NUDT7: variants seen among roughly 807,000 people sequenced by gnomAD.
NUDT7 encodes the protein nudix hydrolase 7.
Under a neutral mutation model 13.1 loss-of-function variants are expected in NUDT7, and 19 were observed. That is an observed-to-expected ratio of 1.45 (90% CI 1.01 to 2.13). The LOEUF is 2.13. Among genes scored for constraint, NUDT7 ranks in the 30% most tolerant of loss-of-function variants. The probability of loss-of-function intolerance (pLI) is 0.00; values close to 1 mark genes in which losing one functional copy is unlikely to be tolerated. For missense variants in NUDT7, 360 were observed against 291.7 expected, an observed-to-expected ratio of 1.23 and a Z score of -1.71; for synonymous variants, 132 against 109.7, an observed-to-expected ratio of 1.20 and a Z score of -1.27.
At chr16:77,735,634 G>T (rs1475203678) in intron 2 of NUDT7, 194 bp from the exon 3 acceptor site, 3 of 622,950 alleles carry the variant, frequency 4.8e-6, no homozygotes, top group East Asian at 2.6e-5. Context: ...AGTTAGCAGT[G>T]AGAAAAATTT....
At chr16:77,733,154 G>C (rs1036918290) in intron 2 of NUDT7, among the ~76,000 whole-genome samples, 1 of 152,192 alleles carries the variant, frequency 6.6e-6, no homozygotes, top group Non-Finnish European at 1.5e-5. Context: ...AAATGAGGCT[G>C]AAGCCTATAA....
chr16:77,739,584 T>A (rs2014594609), intron 3 of NUDT7, among the ~76,000 whole-genome samples: 1 of 152,176 alleles, frequency 6.6e-6, no homozygotes. Flanking sequence ...TGTAAGGTCT[T>A]TATGACTTGT....
chr16:77,735,965 C>A lies in NUDT7; in HGVS notation c.327C>A (p.Cys109Ter). 1 of 1,614,106 alleles carries A rather than the reference C, an allele frequency of 6.2e-7. No individual in the cohort carries two copies. The highest frequency in any genetic ancestry group is 8.5e-7 in the Non-Finnish European group (1 of 1,179,992). ...LRPHQVEVVC[C>*]LVPCLIDTDT... Reference sequence around the variant, plus strand: ...CTCACCAAGTGGAAGTTGTCTGCTGCCTGGTGCCATGTCTTATTGATGTAA... The same window carrying A: ...CTCACCAAGTGGAAGTTGTCTGCTGACTGGTGCCATGTCTTATTGATGTAA... Residue 109 changes from cysteine to a stop codon, truncating the protein, a stop_gained, in exon 3 of 4, where the codon TGC (cysteine) becomes TGA (stop). Coordinates refer to ENST00000268533, the MANE Select transcript of NUDT7 (RefSeq NM_001105663.3). LOFTEE classifies it low-confidence loss of function (END_TRUNC).
chr16:77,732,823 GTCTGTT>G (rs2014360792), intron 2 of NUDT7, among the ~76,000 whole-genome samples: 1 of 149,250 alleles, frequency 6.7e-6, no homozygotes, highest in Non-Finnish European at 1.5e-5. Flanking sequence ...ATCATATCAG[GTCTGTT>G]TCTGTCAAGC....
intron 2 of NUDT7, among the ~76,000 whole-genome samples, chr16:77,727,459 C>T (rs903095494): frequency 2.6e-5 from 4 of 152,170 alleles, no homozygotes; most frequent in African/African-American, 9.7e-5. Flanking sequence ...TGATAGAAAT[C>T]CAGGTTCCAG....
intron 2 of NUDT7, among the ~76,000 whole-genome samples, chr16:77,734,189 T>G (rs2014405340): frequency 6.6e-6 from 1 of 152,198 alleles, no homozygotes; most frequent in South Asian, 2.1e-4. Context: ...TTTTGATAAA[T>G]GTGTGTTGTA....
chr16:77,728,296 G>T (rs1341670029), intron 2 of NUDT7, among the ~76,000 whole-genome samples: 3 of 152,172 alleles, frequency 2.0e-5, no homozygotes, highest in Non-Finnish European at 4.4e-5. Flanking sequence ...GCAGTGGCGT[G>T]ATCTCAGCTC....
chr16:77,741,518 A>T, intron 3 of NUDT7, 64 bp from the exon 4 acceptor site: 1 of 1,490,184 alleles, frequency 6.7e-7, no homozygotes, highest in Non-Finnish European at 8.9e-7. Flanking sequence ...AAGTGGCATG[A>T]TTTTAGGATT....
intron 2 of NUDT7, among the ~76,000 whole-genome samples, chr16:77,734,225 T>G (rs2014406672): frequency 6.6e-6 from 1 of 152,178 alleles, no homozygotes. Context: ...GGCTCGTAAA[T>G]TAAACACTGG....
intron 3 of NUDT7, among the ~76,000 whole-genome samples, chr16:77,738,653 C>T (rs943690670): frequency 1.3e-5 from 2 of 152,104 alleles, no homozygotes; most frequent in Non-Finnish European, 2.9e-5. Flanking sequence ...CAGCTCACTG[C>T]AACCTCCACC....
chr16:77,731,572 C>T (rs1216838081), intron 2 of NUDT7, among the ~76,000 whole-genome samples: 1 of 152,162 alleles, frequency 6.6e-6, no homozygotes, highest in Non-Finnish European at 1.5e-5. Flanking sequence ...AATGACATTT[C>T]TGGTTTATGA....
intron 2 of NUDT7, among the ~76,000 whole-genome samples, chr16:77,727,884 T>TAA (rs66497512): frequency 8.2e-6 from 1 of 122,388 alleles, no homozygotes; most frequent in African/African-American, 3.7e-5. Context: ...TAAAAATAAA[T>TAA]AAATAAATAA....
chr16:77,735,745 G>C, intron 2 of NUDT7, 83 bp from the exon 3 acceptor site: 1 of 1,266,646 alleles, frequency 7.9e-7, no homozygotes, highest in Non-Finnish European at 1.1e-6. Context: ...GTACAAAATA[G>C]AAGTCCAGTA....
At chr16:77,731,976 A>C (rs1206002846) in intron 2 of NUDT7, among the ~76,000 whole-genome samples, 1 of 152,194 alleles carries the variant, frequency 6.6e-6, no homozygotes, top group Non-Finnish European at 1.5e-5. Context: ...AAAAATTAAA[A>C]ATTAAAAAGT....
At chr16:77,723,025 T>C (rs951305595) in intron 1 of NUDT7, among the ~76,000 whole-genome samples, 1 of 152,090 alleles carries the variant, frequency 6.6e-6, no homozygotes, top group African/African-American at 2.4e-5. Context: ...AGCCTGGAGG[T>C]GACCCTGTGA....
chr16:77,727,771 C>T (rs1216887111), intron 2 of NUDT7, among the ~76,000 whole-genome samples: 2 of 152,092 alleles, frequency 1.3e-5, no homozygotes, highest in African/African-American at 2.4e-5. Context: ...CAGGGAGAAT[C>T]ACTTGAACCT....
intron 1 of NUDT7, 127 bp downstream of exon 1, chr16:77,722,744 G>A (rs2013998654): frequency 8.2e-6 from 7 of 853,048 alleles, no homozygotes; most frequent in South Asian, 3.0e-5. Context: ...GCGAGCGCCG[G>A]ATGGGGGAGC....
intron 2 of NUDT7, among the ~76,000 whole-genome samples, chr16:77,729,494 GT>G: frequency 6.6e-6 from 1 of 151,926 alleles, no homozygotes; most frequent in African/African-American, 2.4e-5. Flanking sequence ...ATAGTAACAT[GT>G]CATCATACAT....
At chr16:77,740,260 T>A (rs1597120338) in intron 3 of NUDT7, among the ~76,000 whole-genome samples, 2 of 152,200 alleles carry the variant, frequency 1.3e-5, no homozygotes, top group African/African-American at 4.8e-5. Flanking sequence ...GAGTTGTCTC[T>A]GTTCCTAAAT....
Sources: gnomAD v4.1 joint callset for allele counts (sites outside exome capture counted in the v4.1 genomes callset) on GRCh38, gnomAD v4.1.1 for gene constraint, MANE v1.5 for transcripts, NCBI Gene and HGNC (gene_info 2026-07-23, HGNC 2026-07-21) for gene names.